Variants in LRMDA observed in about 807,000 individuals in gnomAD.
LRMDA encodes the protein leucine rich melanocyte differentiation associated, also known as leucine-rich melanocyte differentiation-associated protein.
A neutral mutation model predicts 29.8 loss-of-function variants in LRMDA; 18 were observed. The ratio of observed to expected loss-of-function variants is 0.60; its 90% CI spans 0.42 to 0.90. The LOEUF is 0.90. Ranked by LOEUF, LRMDA falls within the 40% of genes least tolerant of loss-of-function variation. LRMDA has a pLI of 0.00. For missense variants in LRMDA, 273 were observed against 273.9 expected (o/e 1.00, Z 0.02); for synonymous variants, 125 against 109.4 (o/e 1.14, Z -0.89).
intron 2 of LRMDA, among the ~76,000 whole-genome samples, chr10:75,571,093 G>A (rs1298796323): frequency 6.6e-6 from 1 of 152,134 alleles, no homozygotes; most frequent in Non-Finnish European, 1.5e-5. Context: ...TTGACCCCAT[G>A]GTTTGGGCTA....
At chr10:76,509,779 A>G (rs1463585005) in intron 6 of LRMDA, among the ~76,000 whole-genome samples, 3 of 152,136 alleles carry the variant, frequency 2.0e-5, no homozygotes, top group Non-Finnish European at 4.4e-5. Flanking sequence ...GGTAAGTACA[A>G]CACTCAGGTC....
intron 2 of LRMDA, among the ~76,000 whole-genome samples, chr10:76,029,543 A>G (rs1462315253): frequency 1.3e-5 from 2 of 152,216 alleles, no homozygotes; most frequent in Non-Finnish European, 2.9e-5. Context: ...TCATCTGACC[A>G]GAATTTCATA....
intron 6 of LRMDA, among the ~76,000 whole-genome samples, chr10:76,515,818 C>T (rs1426157765): frequency 1.3e-5 from 2 of 152,174 alleles, no homozygotes; most frequent in Non-Finnish European, 2.9e-5. Flanking sequence ...TCCTCTTAAA[C>T]AGATCTTATT....
chr10:75,520,865 T>C (rs1845348521), intron 2 of LRMDA, among the ~76,000 whole-genome samples: 1 of 152,228 alleles, frequency 6.6e-6, no homozygotes. Flanking sequence ...GATGGGGTTT[T>C]GGTGTGGATG....
chr10:76,477,655 T>G (rs1190084689), intron 6 of LRMDA, among the ~76,000 whole-genome samples: 1 of 152,038 alleles, frequency 6.6e-6, no homozygotes, highest in Non-Finnish European at 1.5e-5. Flanking sequence ...CAAACTATAC[T>G]ACAAGGCTAC....
intron 2 of LRMDA, among the ~76,000 whole-genome samples, chr10:75,507,747 G>A (rs970787835): frequency 6.6e-6 from 1 of 152,204 alleles, no homozygotes; most frequent in African/African-American, 2.4e-5. Context: ...AATAGTTCTA[G>A]GGACTGTGAA....
At chr10:75,899,229 C>T (rs766021192) in intron 2 of LRMDA, among the ~76,000 whole-genome samples, 11 of 152,184 alleles carry the variant, frequency 7.2e-5, no homozygotes, top group Non-Finnish European at 1.5e-4. Context: ...TTTGCTTTTC[C>T]AGAAGAGCTG....
intron 3 of LRMDA, among the ~76,000 whole-genome samples, chr10:76,044,204 G>A (rs1848389241): frequency 1.3e-5 from 2 of 152,182 alleles, no homozygotes; most frequent in Admixed American, 6.5e-5. Context: ...GGTCGCATGG[G>A]TGGGCTAGAA....
rs533321319 is a variant in LRMDA, at chr10:76,230,497, C to G, written c.517-93904C>G. Among the ~76,000 whole-genome samples, 256 of 148,640 alleles carry G rather than the reference C, an allele frequency of 1.7e-3. 1 individual carries two copies. In the Middle Eastern group the frequency reaches 0.021, roughly 12 times the overall value. ...AAATTAGAAAACTTACTAAGAGAAA[C>G]TATGAAAATATCAATTAAAACAACT... On this transcript the variant is annotated intron_variant, in intron 5 of 6. Transcript: ENST00000611255.
chr10:76,075,474 G>A (rs567043321), intron 5 of LRMDA, among the ~76,000 whole-genome samples: 8 of 152,274 alleles, frequency 5.3e-5, no homozygotes, highest in Admixed American at 5.2e-4. Context: ...AGAAAAGAAA[G>A]GTCTGTTATT....
intron 5 of LRMDA, among the ~76,000 whole-genome samples, chr10:76,315,739 C>T (rs971104010): frequency 5.3e-5 from 8 of 152,166 alleles, no homozygotes; most frequent in Non-Finnish European, 1.0e-4. Context: ...CAGTGAAACC[C>T]CACCTTCAAG....
intron 6 of LRMDA, among the ~76,000 whole-genome samples, chr10:76,531,041 G>C (rs1410625570): frequency 6.6e-6 from 1 of 152,074 alleles, no homozygotes; most frequent in Non-Finnish European, 1.5e-5. Flanking sequence ...TCTAGGTTTG[G>C]GGGCAGATAT....
intron 6 of LRMDA, among the ~76,000 whole-genome samples, chr10:76,369,890 A>G (rs1239500130): frequency 6.6e-6 from 1 of 152,162 alleles, no homozygotes; most frequent in African/African-American, 2.4e-5. Context: ...GCCTTGGTTC[A>G]ACATATCCCA....
intron 2 of LRMDA, among the ~76,000 whole-genome samples, chr10:75,937,395 AGCCGAGTAGCTTGGGG>A (rs1846314334): frequency 6.6e-6 from 1 of 152,200 alleles, no homozygotes; most frequent in South Asian, 2.1e-4. Context: ...TCCTCTTGTC[AGCCGAGTAGCTTGGGG>A]GCCTGGCCCT....
chr10:76,026,779 A>C (rs2132497146), intron 2 of LRMDA, among the ~76,000 whole-genome samples: 1 of 152,318 alleles, frequency 6.6e-6, no homozygotes, highest in East Asian at 1.9e-4. Context: ...TAAAGGAAGG[A>C]GCTCCAGTCA....
At chr10:75,517,543 T>C (rs953959935) in intron 2 of LRMDA, among the ~76,000 whole-genome samples, 1 of 152,202 alleles carries the variant, frequency 6.6e-6, no homozygotes, top group Non-Finnish European at 1.5e-5. Context: ...TTTTTGCACA[T>C]TGATTTTGTA....
intron 5 of LRMDA, among the ~76,000 whole-genome samples, chr10:76,250,021 G>T (rs1852446629): frequency 6.6e-6 from 1 of 152,120 alleles, no homozygotes; most frequent in Non-Finnish European, 1.5e-5. Context: ...GGCCACCTTG[G>T]TCTTGAACTC....
At chr10:76,212,570 G>A (rs575432832) in intron 5 of LRMDA, among the ~76,000 whole-genome samples, 3 of 152,250 alleles carry the variant, frequency 2.0e-5, no homozygotes, top group South Asian at 4.1e-4. Flanking sequence ...AGAGATAACC[G>A]GATGTCCACA....
intron 2 of LRMDA, among the ~76,000 whole-genome samples, chr10:75,486,678 G>A (rs1369411441): frequency 6.6e-6 from 1 of 152,102 alleles, no homozygotes; most frequent in Non-Finnish European, 1.5e-5. Flanking sequence ...TTGGGCCTAG[G>A]GTGAGTCTGG....
Sources: allele counts gnomAD v4.1 joint callset (sites outside exome capture counted in the v4.1 genomes callset), GRCh38; gene constraint gnomAD v4.1.1; transcripts MANE v1.5; gene names NCBI Gene and HGNC (gene_info 2026-07-23, HGNC 2026-07-21).